DPP6: variants seen among roughly 807,000 people sequenced by gnomAD.
DPP6 encodes the protein dipeptidyl peptidase like 6, also known as A-type potassium channel modulatory protein DPP6.
A neutral mutation model predicts 122.6 loss-of-function variants in DPP6; 69 were observed. That is an observed-to-expected ratio of 0.56 (90% CI 0.46 to 0.69). The LOEUF is 0.69. Ranked by LOEUF, DPP6 falls within the 30% of genes least tolerant of loss-of-function variation. The pLI is 0.00. For synonymous variants in DPP6, 418 were observed against 433.1 expected, an observed-to-expected ratio of 0.97 and a Z score of 0.43; for missense variants, 928 against 1,116.9, an observed-to-expected ratio of 0.83 and a Z score of 2.41.
intron 1 of DPP6, among the ~76,000 whole-genome samples, chr7:153,937,958 C>T (rs1239967960): frequency 6.6e-6 from 1 of 152,154 alleles, no homozygotes; most frequent in Admixed American, 6.5e-5. Context: ...GAAAGGATGA[C>T]ATAGGTTCAA....
At chr7:154,676,779 T>G (rs969999382) in intron 7 of DPP6, among the ~76,000 whole-genome samples, 3 of 151,940 alleles carry the variant, frequency 2.0e-5, no homozygotes, top group Non-Finnish European at 2.9e-5. Flanking sequence ...AGAAAACGAG[T>G]CCCTTTTAAG....
intron 10 of DPP6, among the ~76,000 whole-genome samples, chr7:154,774,083 G>A (rs1460503827): frequency 1.3e-5 from 2 of 152,168 alleles, no homozygotes; most frequent in Admixed American, 6.5e-5. Context: ...TCTAGGAAGC[G>A]TGAGGCACTG....
At chr7:153,870,106 G>C in the DPP6 span, among the ~76,000 whole-genome samples, 1 of 152,070 alleles carries the variant, frequency 6.6e-6, no homozygotes, top group Non-Finnish European at 1.5e-5. Flanking sequence ...TTTCAACTTT[G>C]GTGAATCTGA....
At chr7:154,879,291 C>G (rs1234366750) in intron 20 of DPP6, among the ~76,000 whole-genome samples, 1 of 147,252 alleles carries the variant, frequency 6.8e-6, no homozygotes, top group Non-Finnish European at 1.5e-5. Flanking sequence ...ATTAAAAACA[C>G]AAAAATCGGC....
intron 8 of DPP6, among the ~76,000 whole-genome samples, chr7:154,753,261 G>A (rs1376262652): frequency 2.0e-5 from 3 of 152,092 alleles, no homozygotes; most frequent in East Asian, 1.9e-4. Flanking sequence ...ATTGATCAAC[G>A]TGCTATTATA....
intron 16 of DPP6, among the ~76,000 whole-genome samples, chr7:154,810,347 G>A (rs142053175): frequency 0.01 from 1,543 of 152,268 alleles, 22 homozygotes; most frequent in African/African-American, 0.032. Flanking sequence ...ATTTAGGCAG[G>A]GAAGTTCCAG....
chr7:154,242,058 A>G (rs552603251), intron 1 of DPP6, among the ~76,000 whole-genome samples: 104 of 152,336 alleles, frequency 6.8e-4, no homozygotes, highest in African/African-American at 2.3e-3. Context: ...TGGATTTTCA[A>G]TATTTGTGTT....
At chr7:153,823,687 C>T in the DPP6 span, among the ~76,000 whole-genome samples, 55 of 151,494 alleles carry the variant, frequency 3.6e-4, no homozygotes, top group African/African-American at 1.2e-3. Flanking sequence ...TCTGGGAGAG[C>T]TGGGAAGATT....
At position 154,600,321 on chromosome 7, in the gene DPP6, G is replaced by T. The variant is rs556844267; in HGVS notation, c.627+33405G>T. The stretch of plus-strand genomic sequence containing the variant: ...TTTTCGTATTTTTTGTAGACATGGG[G>T]TTTCACCATGTTGGCCAGGCTGGTC... On this transcript the variant is annotated intron_variant, in intron 5 of 25. Transcript: ENST00000377770. 1.7e-5 allele frequency among the ~76,000 whole-genome samples: 2 copies of T among 117,844 alleles called. 1 individual carries two copies. Among genetic ancestry groups the T allele is most frequent in the Non-Finnish European group, 3.8e-5 (2 of 52,764 alleles). The allele number at this position is 117,844 out of a possible 152,430, so 77.3% of individuals were successfully genotyped here.
chr7:154,322,649 G>T (rs200237697), intron 1 of DPP6, among the ~76,000 whole-genome samples: 1 of 152,112 alleles, frequency 6.6e-6, no homozygotes, highest in Admixed American at 6.5e-5. Context: ...AGCAGCATCC[G>T]ATAGAACAGA....
intron 1 of DPP6, among the ~76,000 whole-genome samples, chr7:154,132,220 G>C (rs974344866): frequency 6.6e-6 from 1 of 152,130 alleles, no homozygotes; most frequent in Non-Finnish European, 1.5e-5. Flanking sequence ...TGATTGATTT[G>C]CTGGTTTTAC....
At chr7:154,750,597 G>A (rs546467467) in intron 8 of DPP6, among the ~76,000 whole-genome samples, 8 of 152,328 alleles carry the variant, frequency 5.3e-5, no homozygotes, top group African/African-American at 9.6e-5. Flanking sequence ...GAAGGGTGGC[G>A]GGGGTCGGCT....
In DPP6 at chr7:154,486,953, C is replaced by T. The variant is rs1235555573; in HGVS notation, c.457+11916C>T. Among the ~76,000 whole-genome samples, 1 of 152,172 alleles carries T rather than the reference C, an allele frequency of 6.6e-6. No individual in the cohort carries two copies. Among genetic ancestry groups the T allele is most frequent in the Non-Finnish European group, 1.5e-5 (1 of 68,040 alleles). On this transcript the variant is annotated intron_variant, in intron 3 of 25. Transcript: ENST00000377770. The surrounding 1 kb of genome is among the most constrained non-coding windows in gnomAD (Gnocchi z 4.5). ...GTCTCTGCAGGCTCCACTGGGCCAACTTGCTTCCTGCAGAGATACATGTTC... is the reference window on the plus strand; with the variant it reads ...GTCTCTGCAGGCTCCACTGGGCCAATTTGCTTCCTGCAGAGATACATGTTC...
chr7:153,942,711 G>A (rs1801754112), intron 1 of DPP6, among the ~76,000 whole-genome samples: 1 of 152,234 alleles, frequency 6.6e-6, no homozygotes. Flanking sequence ...AGTGGGCACA[G>A]GAAGGTGGGA....
At chr7:154,125,588 A>G (rs1477981634) in intron 1 of DPP6, among the ~76,000 whole-genome samples, 2 of 152,148 alleles carry the variant, frequency 1.3e-5, no homozygotes, top group East Asian at 3.9e-4. Flanking sequence ...CTAACACCCC[A>G]TCGGTAGGGC....
chr7:154,017,214 G>A (rs2129050688), intron 1 of DPP6, among the ~76,000 whole-genome samples: 1 of 152,206 alleles, frequency 6.6e-6, no homozygotes, highest in Middle Eastern at 3.4e-3. Context: ...ACCACAGCAT[G>A]TGCCCACCAA....
intron 3 of DPP6, among the ~76,000 whole-genome samples, chr7:154,501,599 G>A (rs910334772): frequency 1.3e-5 from 2 of 152,144 alleles, no homozygotes; most frequent in Non-Finnish European, 2.9e-5. Flanking sequence ...TTGAGCCTGT[G>A]GGTGCACAGA....
chr7:154,238,134 T>G (rs1801340716), intron 1 of DPP6, among the ~76,000 whole-genome samples: 1 of 152,196 alleles, frequency 6.6e-6, no homozygotes, highest in African/African-American at 2.4e-5. Flanking sequence ...CATCTGCCAG[T>G]GAGAGGAAAG....
At chr7:154,599,746 C>T (rs1248536699) in intron 5 of DPP6, among the ~76,000 whole-genome samples, 1 of 151,850 alleles carries the variant, frequency 6.6e-6, no homozygotes, top group African/African-American at 2.4e-5. Flanking sequence ...GTTCAATTCC[C>T]ACCTATGACT....
Sources: gnomAD v4.1 joint callset for allele counts (sites outside exome capture counted in the v4.1 genomes callset) on GRCh38, gnomAD v4.1.1 for gene constraint, Gnocchi (gnomAD v3.1) non-coding constraint, MANE v1.5 for transcripts, NCBI Gene and HGNC (gene_info 2026-07-23, HGNC 2026-07-21) for gene names.